The following SPECC1L variants were observed in gnomAD, a reference collection of about 807,000 sequenced individuals.
SPECC1L encodes the protein sperm antigen with calponin homology and coiled-coil domains 1 like.
In SPECC1L, 40 loss-of-function variants were observed where a neutral mutation model predicts 116.8. That is an observed-to-expected ratio of 0.34 (90% CI 0.27 to 0.45). SPECC1L has a LOEUF of 0.45. SPECC1L is among the 20% of genes least tolerant of loss of function. The pLI is 1.00. For missense variants in SPECC1L, 1,110 were observed against 1,373.6 expected (o/e 0.81, Z 3.03); for synonymous variants, 504 against 500.6 (o/e 1.01, Z -0.09).
At chr22:24,368,040 G>A (rs1001132919) in intron 13 of SPECC1L, among the ~76,000 whole-genome samples, 3 of 152,158 alleles carry the variant, frequency 2.0e-5, no homozygotes, top group Non-Finnish European at 4.4e-5. Flanking sequence ...GAGTAGAATT[G>A]GAAGTCTTCC....
intron 8 of SPECC1L, among the ~76,000 whole-genome samples, chr22:24,333,089 G>A (rs180694312): frequency 1.0e-3 from 152 of 152,256 alleles, no homozygotes; most frequent in Non-Finnish European, 1.8e-3. Context: ...TTAGCCGGGG[G>A]TGGTGGCACA....
intron 14 of SPECC1L, among the ~76,000 whole-genome samples, chr22:24,381,427 T>C (rs923770136): frequency 2.6e-5 from 4 of 152,168 alleles, no homozygotes; most frequent in African/African-American, 9.7e-5. Context: ...TACAGTTTTA[T>C]TGGGGGATGT....
At position 24,374,966 on chromosome 22, in the gene SPECC1L, G is replaced by A. The variant is rs572623656; in HGVS notation, c.3087+5646G>A. On this transcript the variant is annotated intron_variant, in intron 14 of 16. Transcript: ENST00000314328. ...CTAAGTAGATAGATAAAAAGAAAAC[G>A]AAGACTAAAGTTACCAAAATCAGGA... Among the ~76,000 whole-genome samples, 256 of 151,910 alleles carry A rather than the reference G, an allele frequency of 1.7e-3. 1 individual carries two copies. The highest frequency in any genetic ancestry group is 5.8e-3 in the African/African-American group (240 of 41,452).
intron 16 of SPECC1L, among the ~76,000 whole-genome samples, chr22:24,413,821 CTGCG>C (rs377713114): frequency 4.6e-5 from 7 of 152,300 alleles, no homozygotes; most frequent in African/African-American, 1.2e-4. Flanking sequence ...CCTCCTGATC[CTGCG>C]TGCTCAGCCA....
intron 14 of SPECC1L, among the ~76,000 whole-genome samples, chr22:24,378,241 A>G (rs528542645): frequency 1.6e-4 from 24 of 152,294 alleles, no homozygotes; most frequent in African/African-American, 5.5e-4. Context: ...GCTAGCTTCA[A>G]ACTTTTCTTC....
At chr22:24,272,068 A>G (rs751064577) in intron 1 of SPECC1L, among the ~76,000 whole-genome samples, 6 of 152,212 alleles carry the variant, frequency 3.9e-5, no homozygotes, top group Non-Finnish European at 5.9e-5. Context: ...CAAAGGGACT[A>G]TAGTAATTTT....
Position 24,321,685 on chromosome 22 carries a change from G to A in SPECC1L, c.705G>A (p.Gln235=). 3 of 1,614,256 alleles carry A rather than the reference G, an allele frequency of 1.9e-6. No individual in the cohort carries two copies. Among genetic ancestry groups the A allele is most frequent in the Non-Finnish European group, 2.5e-6 (3 of 1,180,046 alleles). ...AGAAGGAAACTATTATGGCTCACCA[G>A]CCGACTGATGTGGAGTCCACTTTAT... is the stretch of plus-strand genomic sequence containing the variant. ...KSEKETIMAH[Q]PTDVESTLLQ... Residue 235 remains glutamine (Q), a synonymous_variant, in exon 5 of 17, where the codon CAG becomes CAA. Coordinates refer to ENST00000314328, the MANE Select transcript of SPECC1L (RefSeq NM_015330.6).
At chr22:24,398,256 G>T (rs760367119) in intron 14 of SPECC1L, among the ~76,000 whole-genome samples, 2 of 152,224 alleles carry the variant, frequency 1.3e-5, no homozygotes, top group Non-Finnish European at 2.9e-5. Context: ...GACAGGATGT[G>T]TTGAGCTTCA....
chr22:24,308,294 T>C (rs372300471), intron 3 of SPECC1L, among the ~76,000 whole-genome samples: 3 of 152,356 alleles, frequency 2.0e-5, no homozygotes, highest in East Asian at 3.8e-4. Flanking sequence ...TGGCCCAGTA[T>C]CCAATCCAGG....
chr22:24,394,188 A>G (rs987986775), intron 14 of SPECC1L, among the ~76,000 whole-genome samples: 1 of 152,234 alleles, frequency 6.6e-6, no homozygotes, highest in Non-Finnish European at 1.5e-5. Context: ...AGTTTGGACT[A>G]CTGTAACAAA....
chr22:24,370,757 A>G (rs1305822321), intron 14 of SPECC1L, among the ~76,000 whole-genome samples: 1 of 152,214 alleles, frequency 6.6e-6, no homozygotes, highest in Admixed American at 6.5e-5. Flanking sequence ...AAGGAAGGAA[A>G]TTCTTACACA....
At chr22:24,321,249 T>C (rs200192785) in intron 4 of SPECC1L, 39 bp from the exon 5 acceptor site, 1 of 1,610,064 alleles carries the variant, frequency 6.2e-7, no homozygotes, top group Non-Finnish European at 8.5e-7. Context: ...CTTTTATTGC[T>C]GACATTTTTG....
rs201832371 is a variant in SPECC1L, at chr22:24,322,043, C to A, written c.1063C>A (p.Pro355Thr). 1 of 1,614,174 alleles carries A rather than the reference C, an allele frequency of 6.2e-7. No individual in the cohort carries two copies. The highest frequency in any genetic ancestry group is 8.5e-7 in the Non-Finnish European group (1 of 1,180,008). ...CAGTGAGTGCAGTGAGGTCTACCAG[C>A]CCCTCACATCGAGCGATGATGCGCT... ...LDSECSEVYQ[P>T]LTSSDDALDA... Residue 355 changes from proline (P) to threonine (T), a missense_variant, in exon 5 of 17, where the codon CCC becomes ACC. Transcript: ENST00000314328.
chr22:24,309,222 T>A (rs2049564290), intron 3 of SPECC1L, among the ~76,000 whole-genome samples: 1 of 152,204 alleles, frequency 6.6e-6, no homozygotes, highest in Admixed American at 6.5e-5. Flanking sequence ...TATTTCCAAT[T>A]CCATTGACTT....
intron 13 of SPECC1L, among the ~76,000 whole-genome samples, chr22:24,366,089 A>C (rs550736796): frequency 1.3e-5 from 2 of 152,080 alleles, no homozygotes; most frequent in African/African-American, 4.8e-5. Flanking sequence ...AGGTGGTTCT[A>C]TAGATTCAGT....
At position 24,333,487 on chromosome 22, in the gene SPECC1L, A is replaced by AT. The variant is rs376471448; in HGVS notation, c.2397-917dup. ...ATGGGCCAGAAATGAAATGGAATTGATTTTTTCAAATGACTCAGGATGCAT... is the reference window on the plus strand; with the variant it reads ...ATGGGCCAGAAATGAAATGGAATTGATTTTTTTCAAATGACTCAGGATGCAT... On this transcript the variant is annotated intron_variant, in intron 8 of 16. Transcript: ENST00000314328. Among the ~76,000 whole-genome samples, 1,179 of 151,164 alleles carry AT rather than the reference A, an allele frequency of 7.8e-3. 6 individuals carry two copies. Among genetic ancestry groups the AT allele is most frequent in the Middle Eastern group, 0.018 (5 of 280 alleles).
Position 24,321,789 on chromosome 22 carries a change from G to T in SPECC1L, c.809G>T (p.Arg270Met). Residue 270 changes from arginine (R) to methionine (M), a missense_variant, in exon 5 of 17, where the codon AGG (arginine) becomes ATG (methionine). Physicochemically the swap from Arg to Met is moderately conservative, Grantham distance 91. This residue lies in a region of SPECC1L where 437 missense variants were observed against 482.6 expected (regional missense o/e 0.91). Coordinates refer to ENST00000314328, the MANE Select transcript of SPECC1L (RefSeq NM_015330.6). ...LKNENRMLKD[R>M]LNALGFSLEQ... ...AATGAAAACAGAATGTTAAAGGACA[G>T]GTTGAATGCATTGGGCTTTTCCCTA... 6.2e-7 allele frequency: 1 copy of T among 1,614,222 alleles called. No individual in the cohort carries two copies. Among genetic ancestry groups the T allele is most frequent in the Non-Finnish European group, 8.5e-7 (1 of 1,180,054 alleles).
chr22:24,318,941 A>G (rs1426767198), intron 4 of SPECC1L, among the ~76,000 whole-genome samples: 1 of 151,460 alleles, frequency 6.6e-6, no homozygotes, highest in African/African-American at 2.4e-5. Flanking sequence ...AAGTTATGCC[A>G]TCTTTTTCCA....
chr22:24,383,089 G>C (rs1428742206), intron 14 of SPECC1L, among the ~76,000 whole-genome samples: 1 of 152,158 alleles, frequency 6.6e-6, no homozygotes, highest in Non-Finnish European at 1.5e-5. Context: ...AATGACAAAG[G>C]GAAATATTCG....
Sources: allele counts gnomAD v4.1 joint callset (sites outside exome capture counted in the v4.1 genomes callset), GRCh38; gene constraint gnomAD v4.1.1; regional missense constraint gnomAD v4.1.1; transcripts MANE v1.5; gene names NCBI Gene and HGNC (gene_info 2026-07-23, HGNC 2026-07-21).